The following PCDH15 variants were observed in gnomAD, a reference collection of about 807,000 sequenced individuals.
The protein encoded by PCDH15 is protocadherin related 15.
PCDH15 carries 129 observed loss-of-function variants against 178.5 expected under a neutral mutation model. That is an observed-to-expected ratio of 0.72 (90% CI 0.63 to 0.84). PCDH15 has a LOEUF of 0.84. Among genes scored for constraint, PCDH15 ranks in the 40% least tolerant of loss-of-function variants. The probability of loss-of-function intolerance (pLI) is 0.00; values close to 1 mark genes in which losing one functional copy is unlikely to be tolerated. For synonymous variants in PCDH15, 800 were observed against 732.0 expected, an observed-to-expected ratio of 1.09 and a Z score of -1.50; for missense variants, 2,230 against 2,099.9, an observed-to-expected ratio of 1.06 and a Z score of -1.21.
chr10:54,773,998 C>A (rs75766070), intron 1 of PCDH15, among the ~76,000 whole-genome samples: 5,135 of 122,718 alleles, frequency 0.042, 361 homozygotes, highest in African/African-American at 0.15. Context: ...AACTGGCATA[C>A]TTCATAGGCT....
At chr10:55,361,246 C>T (rs1845222343) in intron 2 of PCDH15, among the ~76,000 whole-genome samples, 1 of 151,826 alleles carries the variant, frequency 6.6e-6, no homozygotes, top group South Asian at 2.1e-4. Flanking sequence ...TTCAGAAATG[C>T]TTTGTTTCTT....
At position 54,603,491 on chromosome 10, in the gene PCDH15, C is replaced by CT. The variant is rs375185986; in HGVS notation, c.91+60680dup. Among the ~76,000 whole-genome samples the CT allele has an allele frequency of 5.7e-4, 81 of 142,854 alleles. 1 individual carries two copies. Among genetic ancestry groups the CT allele is most frequent in the South Asian group, 8.9e-4 (4 of 4,510 alleles). 93.7% of individuals were successfully genotyped at this position (142,854 alleles called of 152,430 possible). On this transcript the variant is annotated intron_variant, in intron 2 of 37. Transcript: ENST00000644397. ...TTTAGGTTGTTTATTTGAGATGTTTCTTTTTTTTTTTCTTCCTCAGAAACA... is the reference window on the plus strand; with the variant it reads ...TTTAGGTTGTTTATTTGAGATGTTTCTTTTTTTTTTTTCTTCCTCAGAAACA...
intron 1 of PCDH15, among the ~76,000 whole-genome samples, chr10:55,299,418 T>C (rs144969326): frequency 6.6e-6 from 1 of 152,330 alleles, no homozygotes; most frequent in Non-Finnish European, 1.5e-5. Context: ...TCTTACGTTA[T>C]AAGCCTATTT....
intron 1 of PCDH15, among the ~76,000 whole-genome samples, chr10:55,185,890 T>C (rs1349289117): frequency 6.6e-6 from 1 of 151,798 alleles, no homozygotes; most frequent in African/African-American, 2.4e-5. Context: ...TATTTATACA[T>C]TTGAATATTT....
At chr10:55,338,275 G>T (rs1313712330) in intron 2 of PCDH15, among the ~76,000 whole-genome samples, 1 of 152,024 alleles carries the variant, frequency 6.6e-6, no homozygotes, top group Non-Finnish European at 1.5e-5. Context: ...ATTACCATAT[G>T]ATCCAGCAAT....
intron 3 of PCDH15, among the ~76,000 whole-genome samples, chr10:54,824,293 A>G (rs1433977250): frequency 6.6e-6 from 1 of 152,186 alleles, no homozygotes; most frequent in East Asian, 1.9e-4. Flanking sequence ...TAATTTATAT[A>G]ATGAGCAGGA....
chr10:54,399,225 C>A (rs1405887282), intron 3 of PCDH15, among the ~76,000 whole-genome samples: 1 of 151,862 alleles, frequency 6.6e-6, no homozygotes, highest in African/African-American at 2.4e-5. Flanking sequence ...TTGCAGACAA[C>A]TTTTGTAGGA....
intron 18 of PCDH15, among the ~76,000 whole-genome samples, chr10:54,033,014 C>T (rs2093336476): frequency 6.6e-6 from 1 of 151,696 alleles, no homozygotes; most frequent in African/African-American, 2.4e-5. Flanking sequence ...ATCCAGTCAC[C>T]CCGCTCCTTG....
intron 2 of PCDH15, among the ~76,000 whole-genome samples, chr10:54,977,622 T>A: frequency 6.6e-6 from 1 of 152,154 alleles, no homozygotes; most frequent in Non-Finnish European, 1.5e-5. Context: ...ATAGTAAAAA[T>A]GCCCAATAAG....
chr10:54,104,596 G>T (rs1340607628), intron 15 of PCDH15, among the ~76,000 whole-genome samples: 1 of 151,988 alleles, frequency 6.6e-6, no homozygotes, highest in Non-Finnish European at 1.5e-5. Flanking sequence ...CCAACACTTT[G>T]GGAGGCCAAG....
At chr10:55,338,669 G>A (rs540863217) in intron 2 of PCDH15, among the ~76,000 whole-genome samples, 4 of 152,236 alleles carry the variant, frequency 2.6e-5, no homozygotes, top group Admixed American at 2.6e-4. Flanking sequence ...TTGGGATGCT[G>A]AAGCAGGGGA....
At chr10:54,829,963 G>T (rs544742490) in intron 3 of PCDH15, among the ~76,000 whole-genome samples, 1 of 152,168 alleles carries the variant, frequency 6.6e-6, no homozygotes, top group African/African-American at 2.4e-5. Flanking sequence ...GGATATCTTT[G>T]TTCCTTTGCT....
Position 55,471,653 on chromosome 10 carries a change from G to A in PCDH15, c.-156+155972C>T, listed in dbSNP as rs370680682. 6.4e-4 allele frequency among the ~76,000 whole-genome samples: 98 copies of A among 152,184 alleles called. 2 individuals carry two copies. In the East Asian group the frequency reaches 0.014, roughly 22 times the overall value. ...CAACCTAAAGTGATCCACCTGCCTC[G>A]GTTGGGTAGTTAGTTTGTGAACACA... On this transcript the variant is annotated intron_variant, in intron 2 of 5. Coordinates refer to the PCDH15 transcript ENST00000613346.
Position 55,569,554 on chromosome 10 carries a change from C to G in PCDH15, c.-156+58071G>C, listed in dbSNP as rs145580112. Among the ~76,000 whole-genome samples, 55 of 151,280 alleles carry G rather than the reference C, an allele frequency of 3.6e-4. No individual in the cohort carries two copies. The East Asian group carries it at 5.2e-3, about 14-fold the overall frequency. ...TGTATCAAATACTCAGAGAACTCAT[C>G]CTTGATTTTTCAAAGAATTTTCTAA... On this transcript the variant is annotated intron_variant, in intron 2 of 5. Coordinates refer to the PCDH15 transcript ENST00000613346.
intron 2 of PCDH15, among the ~76,000 whole-genome samples, chr10:54,532,528 C>T (rs1833886956): frequency 6.6e-6 from 1 of 152,078 alleles, no homozygotes; most frequent in Admixed American, 6.6e-5. Flanking sequence ...GTTTCTATTC[C>T]TCACGGTTGT....
intron 32 of PCDH15, among the ~76,000 whole-genome samples, chr10:53,826,881 T>G (rs1331028985): frequency 6.6e-6 from 1 of 152,106 alleles, no homozygotes; most frequent in East Asian, 1.9e-4. Context: ...CTATATCATA[T>G]AACGTCCTAA....
intron 37 of PCDH15, among the ~76,000 whole-genome samples, chr10:53,807,607 C>A (rs747797773): frequency 1.3e-5 from 2 of 151,986 alleles, no homozygotes; most frequent in East Asian, 1.9e-4. Context: ...CTCTAGTTAG[C>A]GAAAACTTTT....
chr10:54,211,974 A>G, intron 10 of PCDH15, among the ~76,000 whole-genome samples: 1 of 103,494 alleles, frequency 9.7e-6, no homozygotes, highest in East Asian at 2.0e-4. Flanking sequence ...AATAAAAGAA[A>G]GTGCTATTAA....
intron 2 of PCDH15, among the ~76,000 whole-genome samples, chr10:55,041,306 A>G (rs534406194): frequency 6.6e-6 from 1 of 152,122 alleles, no homozygotes; most frequent in African/African-American, 2.4e-5. Flanking sequence ...CAGTGAGAAA[A>G]GTTGTAGTGA....
Sources: gnomAD v4.1 joint callset for allele counts (sites outside exome capture counted in the v4.1 genomes callset) on GRCh38, gnomAD v4.1.1 for gene constraint, MANE v1.5 for transcripts, NCBI Gene and HGNC (gene_info 2026-07-23, HGNC 2026-07-21) for gene names.